Variants in RNF168 observed in about 807,000 individuals in gnomAD.
RNF168 encodes the protein E3 ubiquitin-protein ligase RNF168.
A neutral mutation model predicts 34.9 loss-of-function variants in RNF168; 34 were observed. The ratio of observed to expected loss-of-function variants is 0.97; its 90% confidence interval spans 0.74 to 1.30. RNF168 has a LOEUF of 1.30. Ranked by LOEUF, RNF168 falls within the 50% of genes most tolerant of loss-of-function variation. RNF168 has a pLI of 0.00. For synonymous variants in RNF168, 264 were observed against 254.7 expected (o/e 1.04, Z -0.35); for missense variants, 725 against 682.5 (o/e 1.06, Z -0.69).
Position 196,475,225 on chromosome 3 carries a change from A to C in RNF168, c.762+6T>G. ...AAAACTCAGAACATCTTCAGTATCAACATACCTTAGATACGGAGTCTTTCC... is the reference window on the plus strand; with the variant it reads ...AAAACTCAGAACATCTTCAGTATCACCATACCTTAGATACGGAGTCTTTCC... On this transcript the variant is annotated splice_donor_region_variant and intron_variant, in intron 5 of 5. Coordinates refer to ENST00000318037, the MANE Select transcript of RNF168 (RefSeq NM_152617.4). 1 of 1,518,924 alleles carries C rather than the reference A, an allele frequency of 6.6e-7. No homozygotes were observed. The highest frequency in any genetic ancestry group is 1.7e-5 in the Admixed American group (1 of 59,906). 94.1% of individuals were successfully genotyped at this position (1,518,924 alleles called of 1,614,324 possible).
rs751867750 is a variant in RNF168, at chr3:196,482,995, T to A, written c.680+775A>T. Among the ~76,000 whole-genome samples, 90 of 152,310 alleles carry A rather than the reference T, an allele frequency of 5.9e-4. 1 individual carries two copies. Among genetic ancestry groups the A allele is most frequent in the Non-Finnish European group, 1.2e-3 (83 of 68,032 alleles). ...ATATAAAGATTCATGAGTTATAGCC[T>A]TAAACAGCATATTGTATCAATATGA... On this transcript the variant is annotated intron_variant, in intron 4 of 5. Transcript: ENST00000318037.
intron 1 of RNF168, among the ~76,000 whole-genome samples, chr3:196,502,055 A>G (rs1273954282): frequency 1.8e-4 from 7 of 38,332 alleles, no homozygotes; most frequent in South Asian, 1.4e-3. Flanking sequence ...AAAAAATTAG[A>G]AAAAAAAAAA....
chr3:196,497,424 C>T (rs1483163962), intron 1 of RNF168, among the ~76,000 whole-genome samples: 3 of 152,190 alleles, frequency 2.0e-5, no homozygotes, highest in Non-Finnish European at 2.9e-5. Context: ...GTAATCCTCG[C>T]ACTTTGGGAG....
intron 1 of RNF168, among the ~76,000 whole-genome samples, chr3:196,501,820 G>C (rs1349027332): frequency 6.6e-6 from 1 of 151,810 alleles, no homozygotes; most frequent in African/African-American, 2.4e-5. Context: ...TCAACTCCTG[G>C]GTTCAAGAGA....
intron 1 of RNF168, 36 bp downstream of exon 1, chr3:196,502,837 G>A: frequency 1.3e-6 from 2 of 1,582,658 alleles, no homozygotes; most frequent in Non-Finnish European, 1.7e-6. Context: ...AAAGACTTGC[G>A]GCTTTTGGCC....
chr3:196,480,999 C>CA (rs368066308), intron 4 of RNF168, among the ~76,000 whole-genome samples: 1 of 152,244 alleles, frequency 6.6e-6, no homozygotes, highest in African/African-American at 2.4e-5. Flanking sequence ...CTACTATCGA[C>CA]AGAGTATTTT....
At chr3:196,482,718 G>A (rs752444264) in intron 4 of RNF168, among the ~76,000 whole-genome samples, 26 of 151,984 alleles carry the variant, frequency 1.7e-4, no homozygotes, top group Non-Finnish European at 2.4e-4. Flanking sequence ...ACATATTTTC[G>A]TGTACTTATT....
intron 1 of RNF168, among the ~76,000 whole-genome samples, chr3:196,502,113 T>A (rs1476726375): frequency 8.1e-6 from 1 of 123,316 alleles, no homozygotes; most frequent in Non-Finnish European, 1.6e-5. Context: ...AGACACCATA[T>A]CCTAAGCCCA....
rs957281492 is a variant in RNF168 at position 196,503,438 on chromosome 3, G to A, written c.-265C>T. On this transcript the variant is annotated 5_prime_UTR_variant, in exon 1 of 6. The change creates a new upstream start codon in the 5' untranslated region. Transcript: ENST00000318037. ...CGCCAGCAAATAAATGCAGGTTTTCGTCGGAGGAGCCTGGCTGCTCCGCGG... is the reference window on the plus strand; with the variant it reads ...CGCCAGCAAATAAATGCAGGTTTTCATCGGAGGAGCCTGGCTGCTCCGCGG... 4.1e-6 allele frequency: 2 copies of A among 486,444 alleles called. No individual in the cohort carries two copies. The highest frequency in any genetic ancestry group is 7.5e-6 in the Non-Finnish European group (2 of 266,226). The allele number at this position is 486,444 out of a possible 1,614,324, so 30.1% of individuals were successfully genotyped here.
chr3:196,472,076 G>T lies in RNF168; in HGVS notation c.1459C>A (p.Leu487Ile). Reference sequence around the variant, plus strand: ...TTGGGATTCTTCCTCTGTCCATTTAGCACTTTGTCTGGAGGGGAGGATGTA... The same window carrying T: ...TTGGGATTCTTCCTCTGTCCATTTATCACTTTGTCTGGAGGGGAGGATGTA... ...RATSSPPDKV[L>I]NGQRKNPKDG... Residue 487 changes from leucine to isoleucine, a missense_variant, in exon 6 of 6, where the codon CTA becomes ATA. By Grantham distance (5) the Leu-to-Ile change is conservative. Transcript: ENST00000318037. 1 of 1,613,442 alleles carries T rather than the reference G, an allele frequency of 6.2e-7. No individual in the cohort carries two copies. The highest frequency in any genetic ancestry group is 8.5e-7 in the Non-Finnish European group (1 of 1,179,650).
intron 5 of RNF168, among the ~76,000 whole-genome samples, chr3:196,473,003 G>T (rs1732052279): frequency 2.0e-5 from 3 of 152,018 alleles, no homozygotes; most frequent in Admixed American, 6.6e-5. Context: ...CCAGGTTCAA[G>T]TGATTCTCCT....
chr3:196,476,403 T>C (rs1264659712), intron 4 of RNF168, among the ~76,000 whole-genome samples: 1 of 151,592 alleles, frequency 6.6e-6, no homozygotes, highest in Non-Finnish European at 1.5e-5. Flanking sequence ...TACATACTTT[T>C]ATATCAACTC....
Position 196,469,160 on chromosome 3 carries a change from A to G in RNF168, c.*2659T>C, listed in dbSNP as rs1049832548. 1.3e-5 allele frequency: 2 copies of G among 152,210 alleles called. No individual in the cohort carries two copies. The highest frequency in any genetic ancestry group is 4.8e-5 in the African/African-American group (2 of 41,454). 9.4% of individuals were successfully genotyped at this position (152,210 alleles called of 1,614,324 possible). ...AAATAGATAACGTTTAATTTGAGGC[A>G]TTCAAGAATGTCCACCCTAAAACTG... On this transcript the variant is annotated 3_prime_UTR_variant, in exon 6 of 6. Transcript: ENST00000318037.
rs1560265042 is a variant in RNF168, at chr3:196,471,845, G to GA, written c.1689dup (p.Gln564SerfsTer18). 2.5e-6 allele frequency: 4 copies of GA among 1,613,538 alleles called. No individual in the cohort carries two copies. In the East Asian group the frequency reaches 6.7e-5, roughly 27 times the overall value. ...TACTTTGTGCATCTCTGAAACATCT[G>GA]AAAAACACTTTTCTGTGAAATGCTA... On this transcript the variant is annotated frameshift_variant, in exon 6 of 6. Transcript: ENST00000318037. LOFTEE classifies it high-confidence loss of function.
intron 5 of RNF168, among the ~76,000 whole-genome samples, chr3:196,474,490 C>A (rs1395108423): frequency 6.0e-5 from 9 of 148,882 alleles, no homozygotes; most frequent in Non-Finnish European, 1.3e-4. Context: ...TCTTGTTGTC[C>A]AGGCTGGAGG....
chr3:196,485,640 A>T lies in RNF168; in HGVS notation c.559-1749T>A, dbSNP rs114865617. 4.9e-3 allele frequency among the ~76,000 whole-genome samples: 739 copies of T among 152,250 alleles called. 8 individuals carry two copies. Among genetic ancestry groups the T allele is most frequent in the African/African-American group, 0.017 (725 of 41,540 alleles). ...TTAGTTTCCTGATTGTGTATTTCTA[A>T]AGCGATTCTACTTAAAAAAGACACA... On this transcript the variant is annotated intron_variant, in intron 3 of 5. Transcript: ENST00000318037.
chr3:196,484,628 T>C (rs1375716476), intron 3 of RNF168, among the ~76,000 whole-genome samples: 1 of 151,854 alleles, frequency 6.6e-6, no homozygotes, highest in South Asian at 2.1e-4. Flanking sequence ...ACTACAGGCA[T>C]GAGCCACCAG....
chr3:196,490,541 G>A (rs73891263), intron 1 of RNF168, among the ~76,000 whole-genome samples: 5,731 of 151,746 alleles, frequency 0.038, 356 homozygotes, highest in African/African-American at 0.13. Flanking sequence ...CCCTGACTTC[G>A]CCACTGTGCA....
At chr3:196,492,397 C>A (rs1464330727) in intron 1 of RNF168, among the ~76,000 whole-genome samples, 1 of 151,970 alleles carries the variant, frequency 6.6e-6, no homozygotes, top group African/African-American at 2.4e-5. Context: ...ATGTATTATA[C>A]TAGAAAGCAA....
Sources: allele counts gnomAD v4.1 joint callset (sites outside exome capture counted in the v4.1 genomes callset), GRCh38; gene constraint gnomAD v4.1.1; transcripts MANE v1.5; gene names NCBI Gene and HGNC (gene_info 2026-07-23, HGNC 2026-07-21).